RETREG3: variants seen among roughly 807,000 people sequenced by gnomAD.
RETREG3 encodes reticulophagy regulator family member 3.
Under a neutral mutation model 50.2 loss-of-function variants are expected in RETREG3, and 23 were observed. The ratio of observed to expected loss-of-function variants is 0.46; its 90% CI spans 0.33 to 0.65. RETREG3 has a LOEUF of 0.65. Among genes scored for constraint, RETREG3 ranks in the 30% least tolerant of loss-of-function variants. RETREG3 has a pLI of 0.02. For synonymous variants in RETREG3, 240 were observed against 234.4 expected, an observed-to-expected ratio of 1.02 and a Z score of -0.22; for missense variants, 546 against 598.0, an observed-to-expected ratio of 0.91 and a Z score of 0.91.
At position 42,583,592 on chromosome 17, in the gene RETREG3, G is replaced by C. The variant is rs1165954115; in HGVS notation, c.728-12C>G. 3 of 1,611,178 alleles carry C rather than the reference G, an allele frequency of 1.9e-6. No individual in the cohort carries two copies. Among genetic ancestry groups the C allele is most frequent in the Non-Finnish European group, 2.5e-6 (3 of 1,178,114 alleles). On this transcript the variant is annotated splice_polypyrimidine_tract_variant and intron_variant, in intron 6 of 8. Coordinates refer to ENST00000309428, the MANE Select transcript of RETREG3 (RefSeq NM_178126.4). Reference sequence around the variant, plus strand: ...AGCTCTGCGGCGTACTGTGGGAAGAGCACAAAGTCTTGCTTGATACCTTCT... The same window carrying C: ...AGCTCTGCGGCGTACTGTGGGAAGACCACAAAGTCTTGCTTGATACCTTCT...
chr17:42,608,996 G>T, intron 1 of RETREG3, 90 bp downstream of exon 1: 1 of 1,319,730 alleles, frequency 7.6e-7, no homozygotes, highest in Non-Finnish European at 1.0e-6. Context: ...AGCCAGTGCA[G>T]CGAAGAAAAC....
chr17:42,599,444 C>T (rs545371545), intron 1 of RETREG3, among the ~76,000 whole-genome samples: 1 of 151,806 alleles, frequency 6.6e-6, no homozygotes, highest in Non-Finnish European at 1.5e-5. Context: ...AACCTGAGAT[C>T]GGGAGTTTGA....
In RETREG3 at chr17:42,581,663, C is replaced by T; in HGVS notation, c.*150G>A. ...GGTGGGAGGGGAGTGAGTGTCCTCT[C>T]TAAGGAGGCCTCTGAGCATCAGCCA... On this transcript the variant is annotated 3_prime_UTR_variant, in exon 9 of 9. Transcript: ENST00000309428. 1 of 677,372 alleles carries T rather than the reference C, an allele frequency of 1.5e-6. No individual in the cohort carries two copies. The highest frequency in any genetic ancestry group is 2.8e-5 in the East Asian group (1 of 35,920). 42.0% of individuals were successfully genotyped at this position (677,372 alleles called of 1,614,324 possible).
In RETREG3 at chr17:42,587,841, T is replaced by C. The variant is rs1328842825; in HGVS notation, c.370A>G (p.Asn124Asp). The C allele has an allele frequency of 6.2e-7, 1 of 1,614,060 alleles. No individual in the cohort carries two copies. Among genetic ancestry groups the C allele is most frequent in the African/African-American group, 1.3e-5 (1 of 74,944 alleles). Reference sequence around the variant, plus strand: ...TTAATTAGTGTTCCATACCTCTCATTGTCTAATGCGTCGGGTCTTGGCACT... The same window carrying C: ...TTAATTAGTGTTCCATACCTCTCATCGTCTAATGCGTCGGGTCTTGGCACT... Reference protein sequence around the residue: ...IKVPRPDALDNESWGFVHPRL... With the variant: ...IKVPRPDALDDESWGFVHPRL... Residue 124 changes from asparagine (N) to aspartate (D), a missense_variant, in exon 3 of 9, where the codon AAT (asparagine) becomes GAT (aspartate). Coordinates refer to ENST00000309428, the MANE Select transcript of RETREG3 (RefSeq NM_178126.4).
intron 1 of RETREG3, among the ~76,000 whole-genome samples, chr17:42,595,946 G>A (rs1157137501): frequency 2.0e-5 from 3 of 151,932 alleles, no homozygotes; most frequent in Non-Finnish European, 4.4e-5. Context: ...TGAGCCTACA[G>A]TAGGTAGAAG....
At chr17:42,608,111 A>C (rs3760389) in intron 1 of RETREG3, among the ~76,000 whole-genome samples, 2 of 152,038 alleles carry the variant, frequency 1.3e-5, no homozygotes, top group African/African-American at 4.8e-5. Context: ...CAAAAACACA[A>C]TTAAAAAACA....
intron 1 of RETREG3, among the ~76,000 whole-genome samples, chr17:42,602,516 A>C (rs1247417166): frequency 6.6e-6 from 1 of 152,304 alleles, no homozygotes; most frequent in East Asian, 1.9e-4. Context: ...CATTTCCCCC[A>C]GCCCTGGAAA....
intron 1 of RETREG3, among the ~76,000 whole-genome samples, chr17:42,597,951 C>T (rs1192452327): frequency 2.1e-5 from 3 of 145,924 alleles, no homozygotes; most frequent in South Asian, 2.2e-4. Context: ...TTTTATACCA[C>T]AAAGAAAACT....
chr17:42,585,198 C>T lies in RETREG3; in HGVS notation c.654G>A (p.Arg218=), dbSNP rs1157120004. 6.2e-7 allele frequency: 1 copy of T among 1,613,988 alleles called. No homozygotes were observed. Among genetic ancestry groups the T allele is most frequent in the South Asian group, 1.1e-5 (1 of 91,086 alleles). ...YHRLWDRAYV[R]LKPALQRLDF... ...CTAGCCGCTGCAGAGCTGGCTTCAG[C>T]CGCACATATGCTCGATCCCACAGTC... Residue 218 remains arginine, a synonymous_variant, in exon 6 of 9, where the codon CGG becomes CGA. Transcript: ENST00000309428.
intron 1 of RETREG3, chr17:42,598,653 A>G (rs1226019394): frequency 2.6e-5 from 4 of 152,126 alleles, no homozygotes; most frequent in African/African-American, 9.7e-5. Flanking sequence ...TTTCCTTAAC[A>G]TTTATCTTGC....
chr17:42,604,469 A>G (rs985687844), intron 1 of RETREG3, among the ~76,000 whole-genome samples: 1 of 152,092 alleles, frequency 6.6e-6, no homozygotes, highest in Admixed American at 6.6e-5. Flanking sequence ...GAGGAGTTTG[A>G]GACCAGCCTG....
chr17:42,595,956 G>A (rs1438899590), intron 1 of RETREG3, among the ~76,000 whole-genome samples: 1 of 151,914 alleles, frequency 6.6e-6, no homozygotes, highest in African/African-American at 2.4e-5. Context: ...GTAGGTAGAA[G>A]GAGTAACAGG....
chr17:42,582,338 AC>A, intron 8 of RETREG3, 68 bp from the exon 9 acceptor site: 1 of 1,468,190 alleles, frequency 6.8e-7, no homozygotes, highest in Non-Finnish European at 9.2e-7. Context: ...GCCCCACATG[AC>A]CAGATTTTTC....
intron 1 of RETREG3, among the ~76,000 whole-genome samples, chr17:42,600,073 A>C (rs560716439): frequency 6.6e-6 from 1 of 152,142 alleles, no homozygotes; most frequent in Non-Finnish European, 1.5e-5. Flanking sequence ...GTTTAAAAAA[A>C]AAACAACAAA....
rs749117893 is a variant in RETREG3 at position 42,581,860 on chromosome 17, G to T, written c.1354C>A (p.Gln452Lys). The change falls in exon 9 of 9, where the codon CAG becomes AAG. Residue 452 changes from glutamine to lysine, a missense_variant. Physicochemically the swap from Gln to Lys is moderately conservative, Grantham distance 53. Coordinates refer to ENST00000309428, the MANE Select transcript of RETREG3 (RefSeq NM_178126.4). ...AEGDDFELLD[Q>K]SELSQLDPAS... Reference sequence around the variant, plus strand: ...GGGTCCAGCTGACTCAGCTCCGACTGGTCCAGAAGTTCAAAGTCATCCCCC... The same window carrying T: ...GGGTCCAGCTGACTCAGCTCCGACTTGTCCAGAAGTTCAAAGTCATCCCCC... 1.9e-6 allele frequency: 3 copies of T among 1,610,038 alleles called. No individual in the cohort carries two copies. Among genetic ancestry groups the T allele is most frequent in the Non-Finnish European group, 2.5e-6 (3 of 1,177,116 alleles).
At chr17:42,582,317 C>A in intron 8 of RETREG3, 47 bp from the exon 9 acceptor site, 2 of 1,540,100 alleles carry the variant, frequency 1.3e-6, no homozygotes, top group South Asian at 1.2e-5. Flanking sequence ...ACCTGGCCCT[C>A]CTGTGCCCCA....
At chr17:42,590,077 G>A (rs750735160) in intron 2 of RETREG3, among the ~76,000 whole-genome samples, 5 of 152,214 alleles carry the variant, frequency 3.3e-5, no homozygotes, top group Non-Finnish European at 5.9e-5. Flanking sequence ...AGTGGTGCAC[G>A]CCTGTCGTCC....
chr17:42,586,210 T>C, intron 4 of RETREG3, 73 bp from the exon 5 acceptor site: 1 of 1,401,988 alleles, frequency 7.1e-7, no homozygotes, highest in Non-Finnish European at 1.0e-6. Context: ...AGGGTTAGGG[T>C]AGAGATATGA....
At chr17:42,583,023 C>T (rs147554990) in intron 7 of RETREG3, among the ~76,000 whole-genome samples, 1 of 152,026 alleles carries the variant, frequency 6.6e-6, no homozygotes, top group African/African-American at 2.4e-5. Context: ...AAATCTTGAC[C>T]CCTTTTAGGC....
Sources: allele counts gnomAD v4.1 joint callset (sites outside exome capture counted in the v4.1 genomes callset), GRCh38; gene constraint gnomAD v4.1.1; transcripts MANE v1.5; gene names NCBI Gene and HGNC (gene_info 2026-07-23, HGNC 2026-07-21).